PLXNA4: variants seen among roughly 807,000 people sequenced by gnomAD.
PLXNA4 encodes the protein plexin-A4.
In PLXNA4, 44 loss-of-function variants were observed where a neutral mutation model predicts 191.8. The ratio of observed to expected loss-of-function variants is 0.23; its 90% confidence interval spans 0.18 to 0.29. The LOEUF is 0.29. Ranked by LOEUF, PLXNA4 falls within the 10% of genes least tolerant of loss-of-function variation. PLXNA4 has a pLI of 1.00. For missense variants in PLXNA4, 1,800 were observed against 2,488.8 expected, an observed-to-expected ratio of 0.72 and a Z score of 5.89; for synonymous variants, 1,082 against 1,009.5, an observed-to-expected ratio of 1.07 and a Z score of -1.36.
intron 24 of PLXNA4, among the ~76,000 whole-genome samples, chr7:132,160,603 A>G (rs1475784858): frequency 6.6e-6 from 1 of 152,142 alleles, no homozygotes; most frequent in African/African-American, 2.4e-5. Context: ...TCCAAGGCAG[A>G]GAGGCTGGGC....
At chr7:132,493,245 A>G (rs1283315472) in intron 2 of PLXNA4, among the ~76,000 whole-genome samples, 11 of 152,190 alleles carry the variant, frequency 7.2e-5, no homozygotes, top group Admixed American at 7.2e-4. Context: ...CCACAGCCAG[A>G]GGAGCCAGGT....
intron 4 of PLXNA4, among the ~76,000 whole-genome samples, chr7:132,257,884 C>T (rs1190339330): frequency 6.6e-6 from 1 of 152,236 alleles, no homozygotes; most frequent in Non-Finnish European, 1.5e-5. Flanking sequence ...AAGGGTCCCT[C>T]TCAGCTTTCT....
intron 2 of PLXNA4, among the ~76,000 whole-genome samples, chr7:132,601,126 C>T (rs1398992761): frequency 6.6e-6 from 1 of 152,084 alleles, no homozygotes; most frequent in African/African-American, 2.4e-5. Flanking sequence ...TTTTGTCAAT[C>T]TTCATAGTCC....
rs1794757777 is a variant in PLXNA4 at position 132,125,955 on chromosome 7, C to T, written c.*4524G>A. On this transcript the variant is annotated 3_prime_UTR_variant, in exon 32 of 32. Transcript: ENST00000321063. ...GGGCCTTGTGCCTGCAGAGCACCTT[C>T]CTACCTATGTCTGTCTGTCTTTCCC... 1 of 152,324 alleles carries T rather than the reference C, an allele frequency of 6.6e-6. No homozygotes were observed. Among genetic ancestry groups the T allele is most frequent in the Non-Finnish European group, 1.5e-5 (1 of 68,180 alleles). The allele number at this position is 152,324 out of a possible 1,614,324, so 9.4% of individuals were successfully genotyped here. A position where few individuals can be genotyped will look rare whatever the true frequency, so the allele number is the denominator to read the frequency against.
intron 2 of PLXNA4, among the ~76,000 whole-genome samples, chr7:132,605,336 G>T (rs1470212864): frequency 6.6e-6 from 1 of 152,180 alleles, no homozygotes; most frequent in Non-Finnish European, 1.5e-5. Context: ...TACTGATGAG[G>T]CTATGTCTGA....
At chr7:132,448,121 A>C (rs975005709) in intron 3 of PLXNA4, among the ~76,000 whole-genome samples, 1 of 152,206 alleles carries the variant, frequency 6.6e-6, no homozygotes, top group South Asian at 2.1e-4. Context: ...TTCCAAACAG[A>C]GCTACGTTTT....
At chr7:132,331,134 G>A (rs1021070075) in intron 3 of PLXNA4, among the ~76,000 whole-genome samples, 1 of 152,190 alleles carries the variant, frequency 6.6e-6, no homozygotes, top group Admixed American at 6.5e-5. Flanking sequence ...GCATCACCTA[G>A]CTGTATAATA....
intron 10 of PLXNA4, among the ~76,000 whole-genome samples, chr7:132,206,510 T>C (rs1195489689): frequency 6.6e-6 from 1 of 151,318 alleles, no homozygotes; most frequent in Non-Finnish European, 1.5e-5. Flanking sequence ...TTTGAAGAAA[T>C]TGAAAATAAA....
chr7:132,148,402 C>T (rs1469374631), intron 26 of PLXNA4, 141 bp downstream of exon 26: 1 of 1,259,308 alleles, frequency 7.9e-7, no homozygotes, highest in Non-Finnish European at 1.1e-6. Flanking sequence ...GGCTGGGAGA[C>T]ACCAATTTCC....
chr7:132,381,141 C>T (rs142629544), intron 3 of PLXNA4, among the ~76,000 whole-genome samples: 37 of 152,344 alleles, frequency 2.4e-4, no homozygotes, highest in Middle Eastern at 3.4e-3. Flanking sequence ...TTACTGGCAA[C>T]AGGTAGCACT....
At chr7:132,228,615 A>G (rs62464986) in intron 5 of PLXNA4, 146 bp from the exon 6 acceptor site, 196,483 of 1,042,610 alleles carry the variant, frequency 0.19, 20,058 homozygotes, top group Admixed American at 0.32. Context: ...TCCTTCCTCA[A>G]GCCTGGTCCT....
chr7:132,563,985 C>G (rs1173522269), intron 1 of PLXNA4, among the ~76,000 whole-genome samples: 2 of 19,646 alleles, frequency 1.0e-4, no homozygotes, highest in Non-Finnish European at 2.3e-4. Flanking sequence ...TCCTCCTTCT[C>G]CTCCTCCTCC....
chr7:132,399,825 T>A (rs1223981754), intron 3 of PLXNA4, among the ~76,000 whole-genome samples: 1 of 152,218 alleles, frequency 6.6e-6, no homozygotes, highest in Non-Finnish European at 1.5e-5. Flanking sequence ...GAGTGTGATT[T>A]TTTTAAGGTA....
chr7:132,549,487 T>C, intron 1 of PLXNA4, among the ~76,000 whole-genome samples: 1 of 152,122 alleles, frequency 6.6e-6, no homozygotes, highest in East Asian at 1.9e-4. Context: ...TTAAAAAAAA[T>C]CCTGGGTCCC....
intron 5 of PLXNA4, among the ~76,000 whole-genome samples, chr7:132,235,698 G>C (rs116842225): frequency 0.016 from 2,473 of 152,290 alleles, 34 homozygotes; most frequent in Non-Finnish European, 0.023. Context: ...GGCTGGGTCT[G>C]CTGGGCAGGA....
chr7:132,621,989 C>T (rs1476059050), intron 2 of PLXNA4, among the ~76,000 whole-genome samples: 1 of 152,128 alleles, frequency 6.6e-6, no homozygotes, highest in Non-Finnish European at 1.5e-5. Flanking sequence ...GTAGCAGAGA[C>T]AGCTAGCTAT....
chr7:132,620,560 A>G (rs920796150), intron 2 of PLXNA4, among the ~76,000 whole-genome samples: 1 of 152,196 alleles, frequency 6.6e-6, no homozygotes, highest in Non-Finnish European at 1.5e-5. Context: ...CTCTCTCCCA[A>G]GCTAACAACA....
chr7:132,257,755 T>C (rs577668641), intron 4 of PLXNA4, among the ~76,000 whole-genome samples: 52 of 152,286 alleles, frequency 3.4e-4, no homozygotes, highest in South Asian at 1.2e-3. Flanking sequence ...GTTGTGGCCC[T>C]GTAGATTTGA....
chr7:132,146,349 A>T (rs1795433293), intron 28 of PLXNA4, among the ~76,000 whole-genome samples, 161 bp downstream of exon 28: 1 of 152,012 alleles, frequency 6.6e-6, no homozygotes, highest in Non-Finnish European at 1.5e-5. Context: ...AAGGATTCTG[A>T]GGTTCGGTAC....
Sources: gnomAD v4.1 joint callset for allele counts (sites outside exome capture counted in the v4.1 genomes callset) on GRCh38, gnomAD v4.1.1 for gene constraint, MANE v1.5 for transcripts, NCBI Gene and HGNC (gene_info 2026-07-23, HGNC 2026-07-21) for gene names.